The following PLPP1 variants were observed in gnomAD, a reference collection of about 807,000 sequenced individuals.
PLPP1 encodes phospholipid phosphatase 1, also known as lipid phosphate phosphohydrolase 1a.
PLPP1 carries 24 observed loss-of-function variants against 31.2 expected under a neutral mutation model. That is an observed-to-expected ratio of 0.77 (90% CI 0.56 to 1.08). The LOEUF (loss-of-function observed/expected upper bound fraction) is 1.08. PLPP1 is among the 50% of genes least tolerant of loss of function. PLPP1 has a pLI of 0.00. For missense variants in PLPP1, 319 were observed against 342.7 expected (o/e 0.93, Z 0.55); for synonymous variants, 146 against 126.3 (o/e 1.16, Z -1.05).
chr5:55,512,127 GA>G (rs1753428760), intron 1 of PLPP1, among the ~76,000 whole-genome samples: 2 of 150,566 alleles, frequency 1.3e-5, no homozygotes, highest in Admixed American at 1.3e-4. Flanking sequence ...AAAACTCCTC[GA>G]AAAAATAAAA....
chr5:55,504,360 C>CA (rs34275567), intron 1 of PLPP1, among the ~76,000 whole-genome samples: 101,464 of 130,282 alleles, frequency 0.78, 40,184 homozygotes, highest in Non-Finnish European at 0.87. Context: ...GACTCTGTAT[C>CA]AAAAAAAAAA....
intron 1 of PLPP1, among the ~76,000 whole-genome samples, chr5:55,517,353 A>G (rs948574070): frequency 2.0e-5 from 3 of 151,926 alleles, no homozygotes; most frequent in African/African-American, 7.3e-5. Context: ...AGCCCAGTTA[A>G]TTTTGTTTTG....
intron 4 of PLPP1, among the ~76,000 whole-genome samples, chr5:55,437,424 T>C (rs1486148064): frequency 6.7e-6 from 1 of 149,012 alleles, no homozygotes; most frequent in Admixed American, 6.8e-5. Context: ...AGGGGTTGGC[T>C]TGCAAGCTAA....
rs1225132276 is a variant in PLPP1, at chr5:55,425,181, CTTCACCTGGGCACCCTGCTGCCT to C, written c.*2_*24del. 1 of 1,602,130 alleles carries C rather than the reference CTTCACCTGGGCACCCTGCTGCCT, an allele frequency of 6.2e-7. No homozygotes were observed. Among genetic ancestry groups the C allele is most frequent in the Non-Finnish European group, 8.5e-7 (1 of 1,176,818 alleles). Reference sequence around the variant, plus strand: ...CATTTTCCTTTAGAAAACAGGCCAGCTTCACCTGGGCACCCTGCTGCCTTTCAAGGCTGGTGATTGCTCGGATA... The same window carrying C: ...CATTTTCCTTTAGAAAACAGGCCAGCTTCAAGGCTGGTGATTGCTCGGATA... On this transcript the variant is annotated 3_prime_UTR_variant, in exon 6 of 6. Transcript: ENST00000307259.
Position 55,488,730 on chromosome 5 carries a change from T to A in PLPP1, c.59-13280A>T, listed in dbSNP as rs116759790. ...AAAGGAAACATCAAAATGCTACCAGTAGTTGTCTTCAGGTAGTAGAACTAA... is the reference window on the plus strand; with the variant it reads ...AAAGGAAACATCAAAATGCTACCAGAAGTTGTCTTCAGGTAGTAGAACTAA... On this transcript the variant is annotated intron_variant, in intron 1 of 5. Transcript: ENST00000307259. Among the ~76,000 whole-genome samples the A allele has an allele frequency of 3.8e-3, 578 of 152,294 alleles. 4 individuals are homozygous for A. The highest frequency in any genetic ancestry group is 0.013 in the African/African-American group (547 of 41,574).
intron 3 of PLPP1, among the ~76,000 whole-genome samples, chr5:55,443,192 A>AAAAAATATATATATAT: frequency 3.1e-4 from 8 of 25,436 alleles, no homozygotes; most frequent in Admixed American, 7.8e-4. Flanking sequence ...AAAAAAAAAA[A>AAAAAATATATATATAT]ATATATATAT....
At chr5:55,504,511 C>A in intron 1 of PLPP1, among the ~76,000 whole-genome samples, 1 of 96,728 alleles carries the variant, frequency 1.0e-5, no homozygotes, top group Admixed American at 1.8e-4. Context: ...GGAGACAGAG[C>A]AAGACTCCAT....
At chr5:55,459,064 G>C (rs1488576067) in intron 3 of PLPP1, among the ~76,000 whole-genome samples, 1 of 151,756 alleles carries the variant, frequency 6.6e-6, no homozygotes, top group Non-Finnish European at 1.5e-5. Context: ...TAAATTCAGA[G>C]ATTCGAATAA....
At chr5:55,458,886 CCAAAAAAAAA>C (rs1752082346) in intron 3 of PLPP1, among the ~76,000 whole-genome samples, 1 of 13,586 alleles carries the variant, frequency 7.4e-5, no homozygotes, top group Non-Finnish European at 1.5e-4. Flanking sequence ...GACCCTGTCT[CCAAAAAAAAA>C]AAAAAAAAAA....
chr5:55,461,127 C>T (rs977898770), intron 3 of PLPP1, among the ~76,000 whole-genome samples: 1 of 152,072 alleles, frequency 6.6e-6, no homozygotes, highest in African/African-American at 2.4e-5. Context: ...GCCGGGAGGT[C>T]AAGGTTTCAG....
chr5:55,484,246 T>C (rs916122161), intron 1 of PLPP1, among the ~76,000 whole-genome samples: 1 of 152,104 alleles, frequency 6.6e-6, no homozygotes, highest in Admixed American at 6.6e-5. Flanking sequence ...AACAAGAATC[T>C]CCTACCTTTG....
At chr5:55,493,654 G>A (rs1187556246) in intron 1 of PLPP1, among the ~76,000 whole-genome samples, 6 of 152,186 alleles carry the variant, frequency 3.9e-5, no homozygotes, top group Non-Finnish European at 7.4e-5. Flanking sequence ...TTGGGAAGCC[G>A]AGGCGGGTGG....
At chr5:55,429,799 T>G (rs1250923762) in intron 4 of PLPP1, among the ~76,000 whole-genome samples, 2 of 152,040 alleles carry the variant, frequency 1.3e-5, no homozygotes, top group African/African-American at 4.8e-5. Context: ...GCAGAGCCAC[T>G]GTGCATTGTC....
At chr5:55,474,216 C>G (rs556698832) in intron 2 of PLPP1, among the ~76,000 whole-genome samples, 6 of 151,548 alleles carry the variant, frequency 4.0e-5, no homozygotes, top group African/African-American at 1.5e-4. Context: ...AGGCTGGTCT[C>G]GAACTCCTGA....
intron 2 of PLPP1, among the ~76,000 whole-genome samples, chr5:55,474,989 G>A (rs965985647): frequency 1.3e-4 from 19 of 151,804 alleles, no homozygotes; most frequent in African/African-American, 3.1e-4. Flanking sequence ...GAGTATAATG[G>A]CTATTCACAG....
intron 1 of PLPP1, among the ~76,000 whole-genome samples, chr5:55,524,925 A>C (rs1466594230): frequency 1.3e-5 from 2 of 152,318 alleles, no homozygotes; most frequent in Non-Finnish European, 2.9e-5. Context: ...CACTTTCTGG[A>C]GTAAGCTGAA....
At chr5:55,432,772 T>C (rs946157102) in intron 4 of PLPP1, among the ~76,000 whole-genome samples, 90 of 148,984 alleles carry the variant, frequency 6.0e-4, no homozygotes, top group African/African-American at 2.2e-3. Context: ...GAAAGTCTTT[T>C]AATAACATTC....
chr5:55,476,342 T>C (rs931905480), intron 1 of PLPP1, among the ~76,000 whole-genome samples: 3 of 151,936 alleles, frequency 2.0e-5, no homozygotes, highest in Non-Finnish European at 4.4e-5. Flanking sequence ...TAAGAAAAGA[T>C]GACAATGGAG....
intron 1 of PLPP1, among the ~76,000 whole-genome samples, chr5:55,528,134 T>C (rs187113986): frequency 1.3e-5 from 2 of 152,286 alleles, no homozygotes; most frequent in East Asian, 1.9e-4. Flanking sequence ...CTAAATCTTC[T>C]AGATATTGTG....
Sources: allele counts gnomAD v4.1 joint callset (sites outside exome capture counted in the v4.1 genomes callset), GRCh38; gene constraint gnomAD v4.1.1; transcripts MANE v1.5; gene names NCBI Gene and HGNC (gene_info 2026-07-23, HGNC 2026-07-21).